PGPEP1L: variants seen among roughly 807,000 people sequenced by gnomAD.
The protein encoded by PGPEP1L is pyroglutamyl-peptidase 1-like protein.
Under a neutral mutation model 6.0 loss-of-function variants are expected in PGPEP1L, and 7 were observed. That is an observed-to-expected ratio of 1.17 (90% CI 0.66 to 2.19). PGPEP1L has a LOEUF of 2.19. Among genes scored for constraint, PGPEP1L ranks in the 30% most tolerant of loss-of-function variants. The pLI is 0.00. For synonymous variants in PGPEP1L, 103 were observed against 83.9 expected, an observed-to-expected ratio of 1.23 and a Z score of -1.24; for missense variants, 209 against 192.5, an observed-to-expected ratio of 1.09 and a Z score of -0.51.
intron 2 of PGPEP1L, among the ~76,000 whole-genome samples, chr15:98,988,889 T>C (rs2151762028): frequency 6.6e-6 from 1 of 152,254 alleles, no homozygotes; most frequent in Non-Finnish European, 1.5e-5. Context: ...TAGAGTGCCC[T>C]GACTGTTAGA....
chr15:98,977,637 T>C (rs1278949929), intron 2 of PGPEP1L, among the ~76,000 whole-genome samples: 1 of 152,182 alleles, frequency 6.6e-6, no homozygotes, highest in Admixed American at 6.5e-5. Flanking sequence ...CATATGCACA[T>C]ATGAGAGTGT....
chr15:98,981,871 GCT>G (rs1247604983), intron 2 of PGPEP1L, among the ~76,000 whole-genome samples: 1 of 152,198 alleles, frequency 6.6e-6, no homozygotes, highest in African/African-American at 2.4e-5. Context: ...TGGAGAGGCT[GCT>G]CTGTTTAGCA....
At chr15:98,983,043 A>ACAAAC (rs1397871947) in intron 2 of PGPEP1L, among the ~76,000 whole-genome samples, 1 of 151,972 alleles carries the variant, frequency 6.6e-6, no homozygotes, top group African/African-American at 2.4e-5. Context: ...AGAAAACAAA[A>ACAAAC]CAAACCCACT....
chr15:98,973,140 G>GT (rs1228801189), intron 2 of PGPEP1L, among the ~76,000 whole-genome samples: 2 of 152,068 alleles, frequency 1.3e-5, no homozygotes, highest in African/African-American at 4.8e-5. Flanking sequence ...ATGACAAAGG[G>GT]ATCAATAAAG....
chr15:99,002,813 CCT>C (rs144394881), intron 2 of PGPEP1L, among the ~76,000 whole-genome samples: 10,009 of 136,268 alleles, frequency 0.073, 417 homozygotes, highest in South Asian at 0.12. Flanking sequence ...TTCAGTTCCA[CCT>C]CTGATTCCTG....
chr15:98,987,231 TTTG>T (rs1422556293), intron 2 of PGPEP1L, among the ~76,000 whole-genome samples: 1 of 146,804 alleles, frequency 6.8e-6, no homozygotes, highest in African/African-American at 2.6e-5. Context: ...CATATGGACA[TTTG>T]TTATTTCTTT....
chr15:98,986,730 T>C (rs901545729), intron 2 of PGPEP1L, among the ~76,000 whole-genome samples: 8 of 152,204 alleles, frequency 5.3e-5, no homozygotes, highest in Admixed American at 3.3e-4. Flanking sequence ...GCTCTTAGCC[T>C]ACGGGGTCTG....
chr15:98,978,287 GC>G (rs1363961388), intron 2 of PGPEP1L, among the ~76,000 whole-genome samples: 1 of 152,178 alleles, frequency 6.6e-6, no homozygotes, highest in Non-Finnish European at 1.5e-5. Flanking sequence ...GAGAGTCGGG[GC>G]ACCCCTGAGA....
At chr15:99,003,178 G>A (rs1380058791) in intron 2 of PGPEP1L, among the ~76,000 whole-genome samples, 14 of 137,532 alleles carry the variant, frequency 1.0e-4, no homozygotes, top group Admixed American at 4.3e-4. Flanking sequence ...AAAAAAAAAA[G>A]GGCAGTTATA....
chr15:99,000,807 A>T (rs963279568), intron 2 of PGPEP1L, among the ~76,000 whole-genome samples: 2 of 150,470 alleles, frequency 1.3e-5, no homozygotes, highest in Non-Finnish European at 3.0e-5. Flanking sequence ...CAGATAAGAG[A>T]AAAAAAAGCA....
chr15:98,999,471 A>C (rs912515090), intron 2 of PGPEP1L, among the ~76,000 whole-genome samples: 18 of 152,258 alleles, frequency 1.2e-4, no homozygotes, highest in Non-Finnish European at 2.1e-4. Context: ...GGTCACTCAC[A>C]CATTGCTGGT....
At chr15:99,001,487 T>C (rs1395309969) in intron 2 of PGPEP1L, among the ~76,000 whole-genome samples, 1 of 152,168 alleles carries the variant, frequency 6.6e-6, no homozygotes, top group Non-Finnish European at 1.5e-5. Flanking sequence ...TTGACTGTAG[T>C]GATGAATATG....
chr15:99,006,271 A>G (rs1436056955), intron 1 of PGPEP1L, among the ~76,000 whole-genome samples: 2 of 152,104 alleles, frequency 1.3e-5, no homozygotes, highest in South Asian at 4.1e-4. Context: ...CTTGCCACCT[A>G]GCTAGCGTCT....
At chr15:98,974,045 C>A (rs2017533906) in intron 2 of PGPEP1L, among the ~76,000 whole-genome samples, 2 of 152,152 alleles carry the variant, frequency 1.3e-5, no homozygotes. Flanking sequence ...AAAGGATCAT[C>A]AGACACATAA....
chr15:98,971,469 G>T (rs1409106434), intron 2 of PGPEP1L, among the ~76,000 whole-genome samples: 1 of 152,096 alleles, frequency 6.6e-6, no homozygotes, highest in African/African-American at 2.4e-5. Context: ...GCTCCAGCCT[G>T]GGTGACAGAG....
chr15:98,972,394 A>ATAAATAGC (rs2017510894), intron 2 of PGPEP1L, among the ~76,000 whole-genome samples: 1 of 151,512 alleles, frequency 6.6e-6, no homozygotes, highest in Admixed American at 6.6e-5. Flanking sequence ...AAATAAATAA[A>ATAAATAGC]TAGCATGGAA....
chr15:99,000,377 TGAG>T (rs1457588454), intron 2 of PGPEP1L, among the ~76,000 whole-genome samples: 3 of 152,160 alleles, frequency 2.0e-5, no homozygotes, highest in African/African-American at 7.2e-5. Context: ...CCCCAAGGGC[TGAG>T]GAGTGCGGGC....
Position 99,005,571 on chromosome 15 carries a change from T to A in PGPEP1L, c.-284A>T, listed in dbSNP as rs2018042653. 6.6e-6 allele frequency: 1 copy of A among 152,290 alleles called. No individual in the cohort carries two copies. Among genetic ancestry groups the A allele is most frequent in the Non-Finnish European group, 1.5e-5 (1 of 68,078 alleles). The allele number at this position is 152,290 out of a possible 1,614,324, so 9.4% of individuals were successfully genotyped here. A position where few individuals can be genotyped will look rare whatever the true frequency, so the allele number is the denominator to read the frequency against. On this transcript the variant is annotated 5_prime_UTR_variant, in exon 2 of 5. Transcript: ENST00000535714. ...GCACCTTCTCTGCCTGGCCGCGTGC[T>A]CGCCGGGGACCGGGGTGGAGCGGGA...
At chr15:98,970,961 C>T (rs2017484221) in intron 3 of PGPEP1L, 75 bp downstream of exon 3, 2 of 1,585,664 alleles carry the variant, frequency 1.3e-6, no homozygotes, top group Non-Finnish European at 1.7e-6. Context: ...AACCCTAGAA[C>T]CAGGACCCGG....
Sources: allele counts gnomAD v4.1 joint callset (sites outside exome capture counted in the v4.1 genomes callset), GRCh38; gene constraint gnomAD v4.1.1; transcripts MANE v1.5; gene names NCBI Gene and HGNC (gene_info 2026-07-23, HGNC 2026-07-21).